The following PCDHA5 variants were observed in gnomAD, a reference collection of about 807,000 sequenced individuals.
PCDHA5 encodes protocadherin alpha 5, also known as protocadherin alpha-5.
In PCDHA5, 43 loss-of-function variants were observed where a neutral mutation model predicts 61.6. The observed-to-expected ratio is 0.70, with a 90% confidence interval of 0.55 to 0.90. The LOEUF is 0.90. PCDHA5 is among the 40% of genes least tolerant of loss of function. The pLI is 0.00. For synonymous variants in PCDHA5, 627 were observed against 543.9 expected (o/e 1.15, Z -2.13); for missense variants, 1,298 against 1,222.7 (o/e 1.06, Z -0.92).
At chr5:140,832,575 T>G (rs1351881493) in intron 1 of PCDHA5, among the ~76,000 whole-genome samples, 1 of 152,226 alleles carries the variant, frequency 6.6e-6, no homozygotes, top group Non-Finnish European at 1.5e-5. Context: ...CAGCATACTT[T>G]CTTAGGAAGT....
chr5:140,960,553 C>T (rs2095555809), intron 1 of PCDHA5, among the ~76,000 whole-genome samples: 1 of 152,078 alleles, frequency 6.6e-6, no homozygotes, highest in Non-Finnish European at 1.5e-5. Context: ...TTCATATAGA[C>T]TGAGCTTAGG....
At chr5:141,000,417 A>ATTTTT (rs1563652061) in intron 3 of PCDHA5, among the ~76,000 whole-genome samples, 3 of 77,750 alleles carry the variant, frequency 3.9e-5, no homozygotes, top group Non-Finnish European at 7.0e-5. Flanking sequence ...ATATATATAT[A>ATTTTT]TATATTTTTT....
intron 1 of PCDHA5, among the ~76,000 whole-genome samples, chr5:140,918,196 G>T (rs978589409): frequency 7.9e-5 from 12 of 152,102 alleles, no homozygotes; most frequent in Non-Finnish European, 1.6e-4. Flanking sequence ...CCTCAGCTTG[G>T]ATGTTGTTGG....
In PCDHA5 at chr5:140,870,098, A is replaced by G. The variant is rs181372298; in HGVS notation, c.2352+45971A>G. 3.1e-6 allele frequency: 5 copies of G among 1,613,860 alleles called. No individual in the cohort carries two copies. The East Asian group carries it at 1.1e-4, about 36-fold the overall frequency. On this transcript the variant is annotated intron_variant, in intron 1 of 3. Transcript: ENST00000529859. ...AAGGGGACTCCCCCAATGGCAGGTC[A>G]CTGTACAGTCTGGGTGGAAATCTTG... is the stretch of plus-strand genomic sequence containing the variant.
Position 140,822,334 on chromosome 5 carries a change from G to C in PCDHA5, c.559G>C (p.Glu187Gln). The C allele has an allele frequency of 6.2e-7, 1 of 1,614,120 alleles. No homozygotes were observed. The highest frequency in any genetic ancestry group is 8.5e-7 in the Non-Finnish European group (1 of 1,179,994). ...FDLDVKTNEEETNFLELVLRK... is the reference protein window; with the variant it reads ...FDLDVKTNEEQTNFLELVLRK... Reference sequence around the variant, plus strand: ...CTTAGATGTTAAAACAAATGAAGAAGAAACGAACTTTTTAGAGCTGGTTTT... The same window carrying C: ...CTTAGATGTTAAAACAAATGAAGAACAAACGAACTTTTTAGAGCTGGTTTT... The change falls in exon 1 of 4, where the codon GAA becomes CAA. Residue 187 changes from glutamate (E) to glutamine (Q), a missense_variant. By Grantham distance (29) the Glu-to-Gln change is conservative. Coordinates refer to ENST00000529859, the MANE Select transcript of PCDHA5 (RefSeq NM_018908.3).
At chr5:140,955,477 C>T (rs1401684156) in intron 1 of PCDHA5, among the ~76,000 whole-genome samples, 2 of 152,128 alleles carry the variant, frequency 1.3e-5, no homozygotes, top group African/African-American at 4.8e-5. Context: ...CTTGGCACCT[C>T]TCCTTCCTGC....
intron 1 of PCDHA5, among the ~76,000 whole-genome samples, chr5:140,963,630 C>T (rs1370293911): frequency 3.3e-5 from 5 of 152,140 alleles, no homozygotes; most frequent in African/African-American, 1.2e-4. Flanking sequence ...TTGTTGCATA[C>T]GCATCTTCCC....
At chr5:140,990,858 T>C (rs1243458417) in intron 3 of PCDHA5, among the ~76,000 whole-genome samples, 2 of 152,172 alleles carry the variant, frequency 1.3e-5, no homozygotes, top group African/African-American at 2.4e-5. Flanking sequence ...CCTGAGGACA[T>C]TGTATTTTAA....
intron 1 of PCDHA5, chr5:140,856,950 T>C: frequency 6.3e-7 from 1 of 1,593,338 alleles, no homozygotes; most frequent in Non-Finnish European, 8.6e-7. Flanking sequence ...ACGGGAGAAA[T>C]AAAAGTAAAT....
chr5:140,884,319 C>T lies in PCDHA5; in HGVS notation c.2352+60192C>T. ...CCACAGGCTTCGTCGAGGGCGTCGG[C>T]AGGCGCTGTGGGTCCAGAAGCGGCG... On this transcript the variant is annotated intron_variant, in intron 1 of 3. Transcript: ENST00000529859. 6.2e-7 allele frequency: 1 copy of T among 1,613,800 alleles called. No homozygotes were observed. The highest frequency in any genetic ancestry group is 8.5e-7 in the Non-Finnish European group (1 of 1,179,860).
chr5:140,824,013 C>A lies in PCDHA5; in HGVS notation c.2238C>A (p.Ser746Arg). ...PTLLCSSAVG[S>R]WSYSQQRRQR... ...TGTTGTGCTCCAGCGCGGTGGGGAG[C>A]TGGTCGTACTCGCAGCAGAGGAGAC... The change falls in exon 1 of 4, where the codon AGC becomes AGA. Residue 746 changes from serine to arginine, a missense_variant. Coordinates refer to ENST00000529859, the MANE Select transcript of PCDHA5 (RefSeq NM_018908.3). The A allele has an allele frequency of 1.2e-6, 2 of 1,614,156 alleles. No individual in the cohort carries two copies. The highest frequency in any genetic ancestry group is 1.7e-6 in the Non-Finnish European group (2 of 1,180,010).
Position 140,823,770 on chromosome 5 carries a change from G to A in PCDHA5, c.1995G>A (p.Leu665=), listed in dbSNP as rs2150128966. ...CGCTGACAGCCACAGCCACAGTGCT[G>A]GTGTCGCTGGTGGAAAGTGGCCAGG... The part of the protein sequence containing the change: ...EPPLTATATV[L]VSLVESGQAP... The change falls in exon 1 of 4, where the codon CTG becomes CTA. Residue 665 remains leucine, a synonymous_variant. Coordinates refer to ENST00000529859, the MANE Select transcript of PCDHA5 (RefSeq NM_018908.3). 3.1e-6 allele frequency: 5 copies of A among 1,613,894 alleles called. No homozygotes were observed. Among genetic ancestry groups the A allele is most frequent in the East Asian group, 4.5e-5 (2 of 44,868 alleles).
intron 1 of PCDHA5, chr5:140,877,065 G>T (rs782807909): frequency 6.2e-7 from 1 of 1,613,044 alleles, no homozygotes; most frequent in Non-Finnish European, 8.5e-7. Flanking sequence ...TGGAGCTGCT[G>T]CAGTTCCAGG....
chr5:140,891,399 C>T (rs979878059), intron 1 of PCDHA5, among the ~76,000 whole-genome samples: 12 of 151,644 alleles, frequency 7.9e-5, no homozygotes, highest in African/African-American at 2.4e-4. Context: ...TTTTATCCCT[C>T]GCCACCCCCC....
chr5:140,833,532 G>C (rs2150209285), intron 1 of PCDHA5, among the ~76,000 whole-genome samples: 1 of 152,154 alleles, frequency 6.6e-6, no homozygotes, highest in Non-Finnish European at 1.5e-5. Context: ...ACACACAAGT[G>C]TTCGAAAGGA....
At position 140,884,772 on chromosome 5, in the gene PCDHA5, T is replaced by G. The variant is rs563372954; in HGVS notation, c.2352+60645T>G. 1.9e-5 allele frequency: 27 copies of G among 1,409,818 alleles called. No homozygotes were observed. In the African/African-American group the frequency reaches 3.6e-4, roughly 19 times the overall value. The allele number at this position is 1,409,818 out of a possible 1,614,324, so 87.3% of individuals were successfully genotyped here. On this transcript the variant is annotated intron_variant, in intron 1 of 3. Transcript: ENST00000529859. Reference sequence around the variant, plus strand: ...TTCAAATTATTCTTTACTTTAATTTTAATTTTGCTAGTTGTTATCGAATTT... The same window carrying G: ...TTCAAATTATTCTTTACTTTAATTTGAATTTTGCTAGTTGTTATCGAATTT...
chr5:140,966,149 G>C (rs1347243484), intron 1 of PCDHA5: 1 of 167,682 alleles, frequency 6.0e-6, no homozygotes, highest in Non-Finnish European at 1.3e-5. Flanking sequence ...TTCCTGAATT[G>C]CGCTTGGAGA....
chr5:140,877,415 T>A (rs1554169714), intron 1 of PCDHA5: 3 of 1,613,882 alleles, frequency 1.9e-6, no homozygotes, highest in Non-Finnish European at 2.5e-6. Flanking sequence ...CACCGCCTGC[T>A]GGTGCTGGTG....
chr5:140,905,632 G>GCCA (rs2071986222), intron 1 of PCDHA5, among the ~76,000 whole-genome samples: 1 of 152,106 alleles, frequency 6.6e-6, no homozygotes, highest in South Asian at 2.1e-4. Flanking sequence ...TGACAGTATG[G>GCCA]TCAGTTTCAC....
Sources: allele counts gnomAD v4.1 joint callset (sites outside exome capture counted in the v4.1 genomes callset), GRCh38; gene constraint gnomAD v4.1.1; transcripts MANE v1.5; gene names NCBI Gene and HGNC (gene_info 2026-07-23, HGNC 2026-07-21).